The following EVA1C variants were observed in gnomAD, a reference collection of about 807,000 sequenced individuals.
EVA1C encodes eva-1 homolog C.
EVA1C carries 25 observed loss-of-function variants against 45.4 expected under a neutral mutation model. The observed-to-expected ratio is 0.55, with a 90% confidence interval of 0.40 to 0.77. The LOEUF (loss-of-function observed/expected upper bound fraction) is 0.77. Ranked by LOEUF, EVA1C falls within the 30% of genes least tolerant of loss-of-function variation. EVA1C has a pLI of 0.00. For synonymous variants in EVA1C, 190 were observed against 221.2 expected (o/e 0.86, Z 1.25); for missense variants, 479 against 554.8 (o/e 0.86, Z 1.37).
chr21:32,423,070 C>CAG (rs1314077491), intron 1 of EVA1C, among the ~76,000 whole-genome samples: 40 of 85,600 alleles, frequency 4.7e-4, no homozygotes, highest in Middle Eastern at 7.6e-3. Context: ...GACTCTGTCT[C>CAG]AAAAAAAAAA....
At chr21:32,449,981 G>A (rs1031319492) in intron 1 of EVA1C, among the ~76,000 whole-genome samples, 1 of 152,182 alleles carries the variant, frequency 6.6e-6, no homozygotes, top group African/African-American at 2.4e-5. Flanking sequence ...TACTGCTGAC[G>A]TGTCTTCTTT....
intron 7 of EVA1C, among the ~76,000 whole-genome samples, chr21:32,504,970 A>G (rs1261599619): frequency 2.6e-5 from 4 of 152,134 alleles, no homozygotes; most frequent in African/African-American, 9.7e-5. Context: ...CTTACTTGGT[A>G]GCAGGCAAGA....
At chr21:32,490,143 T>G (rs2037107635) in intron 4 of EVA1C, among the ~76,000 whole-genome samples, 3 of 151,930 alleles carry the variant, frequency 2.0e-5, no homozygotes, top group Non-Finnish European at 4.4e-5. Context: ...TTTGGTCGTG[T>G]TAAGTATATT....
intron 7 of EVA1C, 138 bp from the exon 8 acceptor site, chr21:32,514,676 T>C (rs2833863): frequency 0.32 from 319,490 of 991,816 alleles, 57,787 homozygotes; most frequent in East Asian, 0.67. Flanking sequence ...ATTATTTTGG[T>C]GTAGACAGTC....
In EVA1C at chr21:32,515,147, G is replaced by A. The variant is rs748997503; in HGVS notation, c.1283G>A (p.Gly428Asp). The A allele has an allele frequency of 2.5e-6, 4 of 1,609,734 alleles. No individual in the cohort carries two copies. In the African/African-American group the frequency reaches 5.3e-5, roughly 22 times the overall value. The change falls in exon 8 of 8, where the codon GGT becomes GAT. Residue 428 changes from glycine to aspartate, a missense_variant. By Grantham distance (94) the Gly-to-Asp change is moderately conservative. Around this residue, in one of 3 missense-constraint regions of EVA1C, gnomAD observed 366 missense variants for 426.1 expected, o/e 0.86. Coordinates refer to ENST00000300255, the MANE Select transcript of EVA1C (RefSeq NM_058187.5). ...ATTCAGGAAATATGGATGAACAGTG[G>A]TTTGGACACCTCGCTCCCAAGAAAC... is the stretch of plus-strand genomic sequence containing the variant. The part of the protein sequence containing the change: ...QIIQEIWMNS[G>D]LDTSLPRNMG...
chr21:32,430,471 AG>A (rs2034655993), intron 1 of EVA1C, among the ~76,000 whole-genome samples: 1 of 152,110 alleles, frequency 6.6e-6, no homozygotes, highest in South Asian at 2.1e-4. Context: ...CGGGGATGTA[AG>A]GGTTATTGTA....
chr21:32,496,779 C>A (rs1568944797), intron 5 of EVA1C: 3 of 712,064 alleles, frequency 4.2e-6, no homozygotes, highest in Non-Finnish European at 5.1e-6. Context: ...TGAGACACTG[C>A]TGGGCTGGGG....
intron 1 of EVA1C, among the ~76,000 whole-genome samples, chr21:32,433,659 C>T (rs774793024): frequency 6.6e-6 from 1 of 152,152 alleles, no homozygotes; most frequent in Non-Finnish European, 1.5e-5. Context: ...TCGTGGAGGT[C>T]GTCATATTCA....
In EVA1C at chr21:32,447,603, C is replaced by T. The variant is rs530742773; in HGVS notation, c.161-5709C>T. ...CCATGAATGTCTGGTAACATAATCACTGATCCTGGGGATTAAGGCCTGTGG... is the reference window on the plus strand; with the variant it reads ...CCATGAATGTCTGGTAACATAATCATTGATCCTGGGGATTAAGGCCTGTGG... On this transcript the variant is annotated intron_variant, in intron 1 of 7. Coordinates refer to ENST00000300255, the MANE Select transcript of EVA1C (RefSeq NM_058187.5). 2.6e-5 allele frequency among the ~76,000 whole-genome samples: 4 copies of T among 152,088 alleles called. 1 individual carries two copies. The South Asian group carries it at 8.3e-4, about 32-fold the overall frequency.
At chr21:32,493,453 C>T (rs756714213) in intron 4 of EVA1C, among the ~76,000 whole-genome samples, 27 of 152,116 alleles carry the variant, frequency 1.8e-4, no homozygotes, top group Non-Finnish European at 3.1e-4. Context: ...GTGGTCGCCC[C>T]GCCTACTCCC....
At chr21:32,494,807 C>T (rs548200965) in intron 4 of EVA1C, among the ~76,000 whole-genome samples, 8 of 151,192 alleles carry the variant, frequency 5.3e-5, no homozygotes, top group Non-Finnish European at 7.4e-5. Context: ...TTCAAGATGG[C>T]GCCAGCAGAG....
intron 1 of EVA1C, among the ~76,000 whole-genome samples, chr21:32,434,528 T>A (rs1482972319): frequency 6.6e-6 from 1 of 151,730 alleles, no homozygotes; most frequent in Admixed American, 6.6e-5. Flanking sequence ...GAGGAGGAGC[T>A]TGCAGTGAGC....
intron 1 of EVA1C, among the ~76,000 whole-genome samples, chr21:32,427,713 G>A (rs377548012): frequency 3.5e-4 from 50 of 142,930 alleles, no homozygotes; most frequent in African/African-American, 6.0e-4. Flanking sequence ...CTCCATCTCA[G>A]GGGAAAAAAA....
intron 3 of EVA1C, among the ~76,000 whole-genome samples, chr21:32,463,202 A>C (rs746110274): frequency 6.6e-6 from 1 of 152,216 alleles, no homozygotes; most frequent in Non-Finnish European, 1.5e-5. Flanking sequence ...CCAACCTAAT[A>C]AAATGAGGAG....
chr21:32,457,704 C>T lies in EVA1C; in HGVS notation c.465C>T (p.Ser155=). The T allele has an allele frequency of 1.2e-6, 2 of 1,614,168 alleles. No homozygotes were observed. Among genetic ancestry groups the T allele is most frequent in the Non-Finnish European group, 1.7e-6 (2 of 1,180,016 alleles). Residue 155 remains serine, a synonymous_variant, in exon 3 of 8, where the codon TCC becomes TCT. Coordinates refer to ENST00000300255, the MANE Select transcript of EVA1C (RefSeq NM_058187.5). The part of the protein sequence containing the change: ...CPGSSKYLLV[S]FKCQPNELKN... ...GAAGCAGTAAATACCTCCTGGTCTC[C>T]TTTAAATGCCAACCTAGTAAGTAAC...
chr21:32,459,685 T>C (rs2035924734), intron 3 of EVA1C, among the ~76,000 whole-genome samples: 1 of 151,682 alleles, frequency 6.6e-6, no homozygotes, highest in South Asian at 2.1e-4. Context: ...CTACTAAAAA[T>C]ATGAAATTAG....
In EVA1C at chr21:32,419,520, G is replaced by A. The variant is rs544714186; in HGVS notation, c.160+6507G>A. ...ATTTGAGGTCAGGAGTTTGAGACCA[G>A]CCTGGCCAAAATGGTGAAACCCCAT... On this transcript the variant is annotated intron_variant, in intron 1 of 7. Transcript: ENST00000300255. Among the ~76,000 whole-genome samples the A allele has an allele frequency of 2.0e-5, 3 of 152,284 alleles. No individual in the cohort carries two copies. The South Asian group carries it at 6.2e-4, about 32-fold the overall frequency.
chr21:32,469,847 G>A (rs1420075051), intron 4 of EVA1C, among the ~76,000 whole-genome samples: 1 of 152,206 alleles, frequency 6.6e-6, no homozygotes, highest in Non-Finnish European at 1.5e-5. Flanking sequence ...ACGTGGTGGA[G>A]TTCATCTGCT....
At position 32,412,811 on chromosome 21, in the gene EVA1C, G is replaced by A; in HGVS notation, c.-43G>A. On this transcript the variant is annotated 5_prime_UTR_variant, in exon 1 of 8. Transcript: ENST00000300255. ...GCCGTCCTTAGCCCTGCGACCCCCA[G>A]CGCGTCCCGGGCCTGCGCCTCCGCC... 7.4e-7 allele frequency: 1 copy of A among 1,344,570 alleles called. No homozygotes were observed. The highest frequency in any genetic ancestry group is 9.5e-7 in the Non-Finnish European group (1 of 1,055,680). 83.3% of individuals were successfully genotyped at this position (1,344,570 alleles called of 1,614,324 possible). A position where few individuals can be genotyped will look rare whatever the true frequency, so the allele number is the denominator to read the frequency against.
Sources: gnomAD v4.1 joint callset for allele counts (sites outside exome capture counted in the v4.1 genomes callset) on GRCh38, gnomAD v4.1.1 for gene constraint, gnomAD v4.1.1 regional missense constraint, MANE v1.5 for transcripts, NCBI Gene and HGNC (gene_info 2026-07-23, HGNC 2026-07-21) for gene names.